Variants in SPATS2L observed in about 807,000 individuals in gnomAD.
The protein encoded by SPATS2L is spermatogenesis associated serine rich 2 like, also known as SPATS2-like protein.
A neutral mutation model predicts 59.6 loss-of-function variants in SPATS2L; 30 were observed. That is an observed-to-expected ratio of 0.50 (90% CI 0.38 to 0.68). The LOEUF (loss-of-function observed/expected upper bound fraction) is 0.68. Among genes scored for constraint, SPATS2L ranks in the 30% least tolerant of loss-of-function variants. The pLI is 0.00. For missense variants in SPATS2L, 615 were observed against 700.0 expected, an observed-to-expected ratio of 0.88 and a Z score of 1.37; for synonymous variants, 252 against 263.5, an observed-to-expected ratio of 0.96 and a Z score of 0.42.
chr2:200,457,321 C>CA (rs1465086559), intron 8 of SPATS2L, among the ~76,000 whole-genome samples: 2 of 152,062 alleles, frequency 1.3e-5, no homozygotes, highest in Non-Finnish European at 2.9e-5. Context: ...CACAGGAGCA[C>CA]AAAGCCTATT....
intron 1 of SPATS2L, among the ~76,000 whole-genome samples, chr2:200,318,140 C>G (rs939774704): frequency 6.6e-6 from 1 of 152,188 alleles, no homozygotes; most frequent in Non-Finnish European, 1.5e-5. Context: ...TCACATACTG[C>G]CCTGATCGAC....
intron 2 of SPATS2L, among the ~76,000 whole-genome samples, chr2:200,359,567 A>G (rs1020088948): frequency 5.3e-5 from 8 of 152,152 alleles, no homozygotes; most frequent in African/African-American, 1.9e-4. Context: ...TTACTCTGCA[A>G]TATATTGGCG....
chr2:200,363,716 T>C (rs1050733599), intron 2 of SPATS2L, among the ~76,000 whole-genome samples: 4 of 152,262 alleles, frequency 2.6e-5, no homozygotes, highest in Admixed American at 6.5e-5. Flanking sequence ...GCATTTCTAC[T>C]GTCTGTTGTA....
intron 9 of SPATS2L, among the ~76,000 whole-genome samples, chr2:200,465,408 C>T (rs1183783411): frequency 6.6e-6 from 1 of 152,228 alleles, no homozygotes; most frequent in Admixed American, 6.5e-5. Context: ...GACATATGTA[C>T]TCTGGCTGAA....
intron 3 of SPATS2L, among the ~76,000 whole-genome samples, chr2:200,411,571 G>C (rs953713131): frequency 3.3e-5 from 5 of 152,166 alleles, no homozygotes; most frequent in African/African-American, 1.2e-4. Context: ...TGTAGTTATT[G>C]CAAGTACTGT....
intron 6 of SPATS2L, among the ~76,000 whole-genome samples, chr2:200,427,719 C>G (rs1223375955): frequency 2.0e-5 from 3 of 152,104 alleles, no homozygotes; most frequent in Non-Finnish European, 2.9e-5. Flanking sequence ...GAAGGCAGAA[C>G]TGACATTGTG....
intron 8 of SPATS2L, among the ~76,000 whole-genome samples, chr2:200,456,596 A>T (rs2085849347): frequency 6.6e-6 from 1 of 152,216 alleles, no homozygotes; most frequent in African/African-American, 2.4e-5. Flanking sequence ...AATTTGATCA[A>T]CAAAAGTGTT....
intron 8 of SPATS2L, among the ~76,000 whole-genome samples, chr2:200,456,054 A>G (rs1271126483): frequency 1.3e-5 from 2 of 152,042 alleles, no homozygotes; most frequent in Non-Finnish European, 2.9e-5. Flanking sequence ...CTTCCTCCAC[A>G]TCCACTTCCC....
chr2:200,364,480 G>T (rs2081205499), intron 2 of SPATS2L, among the ~76,000 whole-genome samples: 1 of 152,132 alleles, frequency 6.6e-6, no homozygotes, highest in Non-Finnish European at 1.5e-5. Context: ...GGTTGCCGAT[G>T]GACTTCTTTC....
chr2:200,407,998 T>C (rs1241418297), intron 3 of SPATS2L, among the ~76,000 whole-genome samples: 1 of 152,160 alleles, frequency 6.6e-6, no homozygotes, highest in Admixed American at 6.5e-5. Context: ...AAGATGAGGA[T>C]TCTGCCCTCA....
chr2:200,445,601 C>T (rs73986901), intron 8 of SPATS2L, among the ~76,000 whole-genome samples: 10,748 of 152,230 alleles, frequency 0.071, 764 homozygotes, highest in African/African-American at 0.18. Context: ...ATCAGAACCA[C>T]GTATATGTAA....
At chr2:200,312,315 T>C (rs1239811825) in intron 1 of SPATS2L, among the ~76,000 whole-genome samples, 3 of 152,160 alleles carry the variant, frequency 2.0e-5, no homozygotes. Context: ...CAGCCAGCCA[T>C]CTGTGGGACA....
intron 8 of SPATS2L, among the ~76,000 whole-genome samples, chr2:200,452,153 T>G (rs886223640): frequency 6.6e-6 from 1 of 152,178 alleles, no homozygotes; most frequent in Admixed American, 6.5e-5. Flanking sequence ...TCAAAGACAC[T>G]GAAATACAGT....
At chr2:200,370,855 G>A (rs2081406411) in intron 2 of SPATS2L, among the ~76,000 whole-genome samples, 1 of 152,188 alleles carries the variant, frequency 6.6e-6, no homozygotes, top group Non-Finnish European at 1.5e-5. Context: ...TGACCAAAGT[G>A]AAATGGACAG....
At chr2:200,419,990 A>C (rs1361928151) in intron 6 of SPATS2L, among the ~76,000 whole-genome samples, 1 of 152,218 alleles carries the variant, frequency 6.6e-6, no homozygotes, top group Non-Finnish European at 1.5e-5. Context: ...AAGAAATGTT[A>C]TTCAATGTTT....
intron 4 of SPATS2L, among the ~76,000 whole-genome samples, chr2:200,415,021 C>T (rs1160625254): frequency 1.3e-5 from 2 of 152,088 alleles, no homozygotes; most frequent in Admixed American, 1.3e-4. Context: ...GTAAGTACTG[C>T]CCTAATTATT....
rs569335806 is a variant in SPATS2L at position 200,463,137 on chromosome 2, A to G, written c.847+3310A>G. ...GGGGTTCTATTGCATCTCTCAAATG[A>G]CAAGCCTGTATCAACACTATGTCTT... On this transcript the variant is annotated intron_variant, in intron 9 of 12. Coordinates refer to ENST00000409140, the MANE Select transcript of SPATS2L (RefSeq NM_001100423.2). The G allele has an allele frequency of 2.6e-5, 4 of 152,240 alleles. No individual in the cohort carries two copies. The South Asian group carries it at 8.3e-4, about 32-fold the overall frequency. 9.4% of individuals were successfully genotyped at this position (152,240 alleles called of 1,614,324 possible).
intron 8 of SPATS2L, among the ~76,000 whole-genome samples, chr2:200,457,199 G>A (rs887749073): frequency 1.4e-5 from 2 of 146,650 alleles, no homozygotes; most frequent in Admixed American, 1.4e-4. Context: ...TCTCTAAGAA[G>A]GTTGTAAATA....
intron 1 of SPATS2L, among the ~76,000 whole-genome samples, chr2:200,314,802 C>G (rs540376958): frequency 6.6e-6 from 1 of 151,956 alleles, no homozygotes; most frequent in Non-Finnish European, 1.5e-5. Flanking sequence ...TTGAGATGTG[C>G]GTAAGTGTAA....
Sources: allele counts gnomAD v4.1 joint callset (sites outside exome capture counted in the v4.1 genomes callset), GRCh38; gene constraint gnomAD v4.1.1; transcripts MANE v1.5; gene names NCBI Gene and HGNC (gene_info 2026-07-23, HGNC 2026-07-21).